AKAP9: variants seen among roughly 807,000 people sequenced by gnomAD.
AKAP9 encodes the protein A-kinase anchor protein 9.
In AKAP9, 311 loss-of-function variants were observed where a neutral mutation model predicts 488.5. That is an observed-to-expected ratio of 0.64 (90% CI 0.58 to 0.70). AKAP9 has a LOEUF of 0.70. Ranked by LOEUF, AKAP9 falls within the 30% of genes least tolerant of loss-of-function variation. The probability of loss-of-function intolerance (pLI) is 0.00; values close to 1 mark genes in which losing one functional copy is unlikely to be tolerated. For synonymous variants in AKAP9, 1,462 were observed against 1,483.5 expected (o/e 0.99, Z 0.33); for missense variants, 4,215 against 4,374.5 (o/e 0.96, Z 1.03).
chr7:91,941,231 C>T (rs1449098128), intron 1 of AKAP9, 84 bp downstream of exon 1: 2 of 1,393,012 alleles, frequency 1.4e-6, no homozygotes, highest in Non-Finnish European at 1.0e-6. Context: ...GCGGAGTTCG[C>T]CGCAGCCCCA....
At chr7:92,062,205 T>C (rs1809985049) in intron 23 of AKAP9, 69 bp from the exon 24 acceptor site, 1 of 1,383,560 alleles carries the variant, frequency 7.2e-7, no homozygotes, top group African/African-American at 1.4e-5. Context: ...TTTTGTTGTT[T>C]ATATTAAAAC....
Position 92,042,089 on chromosome 7 carries a change from G to A in AKAP9, c.4961G>A (p.Arg1654Lys), listed in dbSNP as rs779437147. The change falls in exon 19 of 50, where the codon AGG (arginine) becomes AAG (lysine). Residue 1654 changes from arginine to lysine, a missense_variant. Physicochemically the swap from Arg to Lys is conservative, Grantham distance 26. Transcript: ENST00000356239. ...GAAAACCTGGTTTCAGAGAGAGAGA[G>A]GGTGCTTTTAGAGGAGCTGGAAGCA... is the stretch of plus-strand genomic sequence containing the variant. ...DNENLVSERE[R>K]VLLEELEALK... The A allele has an allele frequency of 6.2e-7, 1 of 1,613,910 alleles. No homozygotes were observed. Among genetic ancestry groups the A allele is most frequent in the Non-Finnish European group, 8.5e-7 (1 of 1,179,912 alleles).
chr7:92,035,865 A>G (rs568498968), intron 16 of AKAP9, among the ~76,000 whole-genome samples: 2 of 152,254 alleles, frequency 1.3e-5, no homozygotes, highest in South Asian at 4.1e-4. Context: ...CTTATTCCAC[A>G]ATTCAGATGC....
chr7:92,016,130 CTTTAT>C lies in AKAP9; in HGVS notation c.3615_3619del (p.Leu1206GlnfsTer5). On this transcript the variant is annotated frameshift_variant and splice_region_variant, in exon 11 of 50. Transcript: ENST00000356239. LOFTEE classifies it high-confidence loss of function. ...AATACACAATTTTGTTGTTAACAGACTTTATGCAGTGTCCTTGGTGAATATTATAC... is the reference window on the plus strand; with the variant it reads ...AATACACAATTTTGTTGTTAACAGACGCAGTGTCCTTGGTGAATATTATAC... The C allele has an allele frequency of 6.2e-7, 1 of 1,601,458 alleles. No individual in the cohort carries two copies. Among genetic ancestry groups the C allele is most frequent in the Non-Finnish European group, 8.5e-7 (1 of 1,169,680 alleles).
intron 43 of AKAP9, among the ~76,000 whole-genome samples, chr7:92,098,517 G>C (rs1334618457): frequency 6.6e-6 from 1 of 152,076 alleles, no homozygotes; most frequent in African/African-American, 2.4e-5. Flanking sequence ...AACACCCTTA[G>C]ACTCCTACAG....
At position 92,097,095 on chromosome 7, in the gene AKAP9, A is replaced by G; in HGVS notation, c.10136A>G (p.Gln3379Arg). 1 of 1,614,262 alleles carries G rather than the reference A, an allele frequency of 6.2e-7. No individual in the cohort carries two copies. The highest frequency in any genetic ancestry group is 1.1e-5 in the South Asian group (1 of 91,090). ...CTGGATTCTTTGCAAACACGACAGC[A>G]AATGGAAAAAGATAGGCAGGTTCAC... ...YKLDSLQTRQ[Q>R]MEKDRQVHRK... is the part of the protein sequence containing the mutation. Residue 3379 changes from glutamine (Q) to arginine (R), a missense_variant, in exon 41 of 50, where the codon CAA becomes CGA. This residue lies in a region of AKAP9 where 1,476 missense variants were observed against 1,477.4 expected (regional missense o/e 1.00). Coordinates refer to ENST00000356239, the MANE Select transcript of AKAP9 (RefSeq NM_005751.5).
intron 1 of AKAP9, among the ~76,000 whole-genome samples, chr7:91,963,662 C>G (rs1442123010): frequency 6.6e-6 from 1 of 152,082 alleles, no homozygotes; most frequent in Non-Finnish European, 1.5e-5. Flanking sequence ...GGACTACAGG[C>G]ACCCGCCACC....
At chr7:92,079,006 CTAAAA>C (rs1813070366) in intron 30 of AKAP9, 68 bp from the exon 31 acceptor site, 1 of 1,080,392 alleles carries the variant, frequency 9.3e-7, no homozygotes, top group Admixed American at 2.7e-5. Context: ...AGGTACTGCC[CTAAAA>C]TAAAGTAAAA....
At chr7:91,943,007 C>G (rs1790985658) in intron 1 of AKAP9, among the ~76,000 whole-genome samples, 1 of 150,802 alleles carries the variant, frequency 6.6e-6, no homozygotes, top group Non-Finnish European at 1.5e-5. Context: ...ACCTGGGCAA[C>G]ATAGTGAGAC....
chr7:91,991,914 A>G (rs1352731536), intron 3 of AKAP9, among the ~76,000 whole-genome samples: 2 of 152,236 alleles, frequency 1.3e-5, no homozygotes, highest in African/African-American at 4.8e-5. Context: ...TAATTCACTT[A>G]AGTGAAAATG....
At chr7:92,061,469 T>TA in intron 23 of AKAP9, 47 bp downstream of exon 23, 1 of 1,605,218 alleles carries the variant, frequency 6.2e-7, no homozygotes, top group Non-Finnish European at 8.5e-7. Flanking sequence ...ATTTCAGTCT[T>TA]AAAATAGAGA....
chr7:92,005,815 ACCAC>A (rs1799766261), intron 8 of AKAP9, among the ~76,000 whole-genome samples: 1 of 55,118 alleles, frequency 1.8e-5, no homozygotes, highest in African/African-American at 8.5e-5. Context: ...ACAGGCATGC[ACCAC>A]CACCACGCCT....
In AKAP9 at chr7:92,089,378, G is replaced by T. The variant is rs772360609; in HGVS notation, c.9214-7G>T. 3 of 1,611,086 alleles carry T rather than the reference G, an allele frequency of 1.9e-6. No homozygotes were observed. The highest frequency in any genetic ancestry group is 2.5e-6 in the Non-Finnish European group (3 of 1,179,520). On this transcript the variant is annotated splice_region_variant and splice_polypyrimidine_tract_variant and intron_variant, in intron 37 of 49. Transcript: ENST00000356239. ...CTTCACTTGTTTTTTACCTTCCTTT[G>T]TTACAGGGTGTTGAATATCAAGCAG... is the stretch of plus-strand genomic sequence containing the variant.
At chr7:91,942,006 A>G (rs996654184) in intron 1 of AKAP9, among the ~76,000 whole-genome samples, 7 of 152,186 alleles carry the variant, frequency 4.6e-5, no homozygotes, top group African/African-American at 1.7e-4. Flanking sequence ...TAACATATAC[A>G]GAATATAAGC....
In AKAP9 at chr7:91,992,978, A is replaced by G. The variant is rs1797955810; in HGVS notation, c.499A>G (p.Lys167Glu). ...LEMMESELAGKQHEIEELNRE... is the reference protein window; with the variant it reads ...LEMMESELAGEQHEIEELNRE... Reference sequence around the variant, plus strand: ...GATGATGGAAAGTGAGTTGGCTGGGAAGCAGCATGAGATTGAAGAGCTAAA... The same window carrying G: ...GATGATGGAAAGTGAGTTGGCTGGGGAGCAGCATGAGATTGAAGAGCTAAA... Residue 167 changes from lysine (K) to glutamate (E), a missense_variant, in exon 5 of 50, where the codon AAG becomes GAG. Lys to Glu is a moderately conservative substitution (Grantham distance 56, BLOSUM62 1). Around this residue, in one of 5 missense-constraint regions of AKAP9, gnomAD observed 2,361 missense variants for 2,430.0 expected, o/e 0.97. Transcript: ENST00000356239. 1.9e-6 allele frequency: 3 copies of G among 1,614,010 alleles called. No individual in the cohort carries two copies. Among genetic ancestry groups the G allele is most frequent in the Non-Finnish European group, 2.5e-6 (3 of 1,179,996 alleles).
intron 26 of AKAP9, among the ~76,000 whole-genome samples, chr7:92,069,214 T>C (rs1330208066): frequency 1.3e-5 from 2 of 152,232 alleles, no homozygotes; most frequent in Non-Finnish European, 2.9e-5. Context: ...ATAAAAGATT[T>C]ATTTAGGTCA....
chr7:92,039,968 C>G (rs1805799108), intron 17 of AKAP9, among the ~76,000 whole-genome samples: 1 of 152,118 alleles, frequency 6.6e-6, no homozygotes, highest in African/African-American at 2.4e-5. Context: ...CCAAGACTCC[C>G]TCTCAAAAAT....
chr7:92,005,605 A>G (rs573080204), intron 8 of AKAP9, among the ~76,000 whole-genome samples: 1 of 152,194 alleles, frequency 6.6e-6, no homozygotes, highest in Non-Finnish European at 1.5e-5. Context: ...TCAAATGTAG[A>G]GATATTTTAT....
chr7:91,969,120 G>C (rs1287406875), intron 1 of AKAP9, among the ~76,000 whole-genome samples: 1 of 151,978 alleles, frequency 6.6e-6, no homozygotes, highest in Non-Finnish European at 1.5e-5. Flanking sequence ...GAACTTCTGG[G>C]CTCAAGCATT....
Sources: allele counts gnomAD v4.1 joint callset (sites outside exome capture counted in the v4.1 genomes callset), GRCh38; gene constraint gnomAD v4.1.1; regional missense constraint gnomAD v4.1.1; transcripts MANE v1.5; gene names NCBI Gene and HGNC (gene_info 2026-07-23, HGNC 2026-07-21).